EFL1: variants seen among roughly 807,000 people sequenced by gnomAD.
The protein encoded by EFL1 is elongation factor like GTPase 1.
Under a neutral mutation model 126.7 loss-of-function variants are expected in EFL1, and 76 were observed. That is an observed-to-expected ratio of 0.60 (90% CI 0.50 to 0.73). EFL1 has a LOEUF of 0.73. Ranked by LOEUF, EFL1 falls within the 30% of genes least tolerant of loss-of-function variation. The probability of loss-of-function intolerance (pLI) is 0.00; values close to 1 mark genes in which losing one functional copy is unlikely to be tolerated. For synonymous variants in EFL1, 410 were observed against 448.4 expected (o/e 0.91, Z 1.08); for missense variants, 1,128 against 1,343.2 (o/e 0.84, Z 2.50).
chr15:82,155,710 T>A (rs1163327769), intron 17 of EFL1, among the ~76,000 whole-genome samples: 1 of 152,200 alleles, frequency 6.6e-6, no homozygotes, highest in African/African-American at 2.4e-5. Flanking sequence ...TGTGGGTGAA[T>A]TCTTGTTGTT....
intron 7 of EFL1, among the ~76,000 whole-genome samples, chr15:82,232,530 T>C (rs1420629403): frequency 6.6e-6 from 1 of 152,194 alleles, no homozygotes; most frequent in Non-Finnish European, 1.5e-5. Context: ...TTTTGCCTCA[T>C]GCACTTTGTT....
chr15:82,214,432 C>T (rs1208189452), intron 15 of EFL1, among the ~76,000 whole-genome samples: 1 of 152,112 alleles, frequency 6.6e-6, no homozygotes, highest in Non-Finnish European at 1.5e-5. Context: ...TTTATGTGAA[C>T]AGGAATTTCC....
At chr15:82,198,285 C>T (rs2074429285) in intron 15 of EFL1, among the ~76,000 whole-genome samples, 1 of 152,092 alleles carries the variant, frequency 6.6e-6, no homozygotes, top group Non-Finnish European at 1.5e-5. Flanking sequence ...AGAGAGGGGA[C>T]TTCGGCCTGC....
At position 82,167,526 on chromosome 15, in the gene EFL1, T is replaced by C. The variant is rs200725427; in HGVS notation, c.1751-3542A>G. Among the ~76,000 whole-genome samples the C allele has an allele frequency of 1.2e-4, 18 of 152,314 alleles. No individual in the cohort carries two copies. In the East Asian group the frequency reaches 3.3e-3, roughly 28 times the overall value. On this transcript the variant is annotated intron_variant, in intron 15 of 19. Coordinates refer to ENST00000268206, the MANE Select transcript of EFL1 (RefSeq NM_024580.6). ...ATATTAAGGAGAGTATCTTTTATGA[T>C]ATGAGACTGAAAAAAATTGTGTGAG...
intron 17 of EFL1, among the ~76,000 whole-genome samples, chr15:82,155,919 T>C (rs1430498624): frequency 6.6e-6 from 1 of 152,230 alleles, no homozygotes; most frequent in Non-Finnish European, 1.5e-5. Flanking sequence ...TTCTATTGGA[T>C]TGCTGCTCTT....
chr15:82,185,689 A>G (rs1347777650), intron 15 of EFL1, among the ~76,000 whole-genome samples: 1 of 152,188 alleles, frequency 6.6e-6, no homozygotes, highest in Admixed American at 6.5e-5. Flanking sequence ...CAAGTGGCCA[A>G]CTTACATATA....
Position 82,184,907 on chromosome 15 carries a change from CAAG to C in EFL1, c.1751-20926_1751-20924del, listed in dbSNP as rs1015859192. ...GTTTCATTATTTGAGGATTTAGAGACAAGAACAACTTAGAGTAGTGTGAATAGT... is the reference window on the plus strand; with the variant it reads ...GTTTCATTATTTGAGGATTTAGAGACAACAACTTAGAGTAGTGTGAATAGT... On this transcript the variant is annotated intron_variant, in intron 15 of 19. Coordinates refer to ENST00000268206, the MANE Select transcript of EFL1 (RefSeq NM_024580.6). Among the ~76,000 whole-genome samples the C allele has an allele frequency of 5.3e-5, 8 of 152,206 alleles. No individual in the cohort carries two copies. The East Asian group carries it at 7.7e-4, about 15-fold the overall frequency.
chr15:82,191,348 G>T (rs1358127685), intron 15 of EFL1, among the ~76,000 whole-genome samples: 1 of 152,060 alleles, frequency 6.6e-6, no homozygotes, highest in Non-Finnish European at 1.5e-5. Flanking sequence ...TAAAACACCT[G>T]GAAATGATTT....
intron 19 of EFL1, among the ~76,000 whole-genome samples, 189 bp from the exon 20 acceptor site, chr15:82,130,750 G>A (rs2073632056): frequency 1.3e-5 from 2 of 152,186 alleles, no homozygotes; most frequent in South Asian, 2.1e-4. Context: ...TATAGTCCTA[G>A]CACTTTGGGA....
rs1179332932 is a variant in EFL1 at position 82,151,793 on chromosome 15, G to A, written c.2661C>T (p.Leu887=). 6.2e-7 allele frequency: 1 copy of A among 1,614,130 alleles called. No individual in the cohort carries two copies. The highest frequency in any genetic ancestry group is 2.2e-5 in the East Asian group (1 of 44,872). The change falls in exon 18 of 20, where the codon CTC becomes CTT. Residue 887 remains leucine, a synonymous_variant. Coordinates refer to ENST00000268206, the MANE Select transcript of EFL1 (RefSeq NM_024580.6). The part of the protein sequence containing the change: ...TLSGPMCEEP[L]MGVCFVLEKW... ...TTTCCAGAACAAAACAGACACCCAT[G>A]AGAGGCTCCTCACACATGGGGCCAG...
intron 7 of EFL1, among the ~76,000 whole-genome samples, chr15:82,234,990 A>G (rs1231082821): frequency 1.3e-5 from 2 of 152,170 alleles, no homozygotes; most frequent in African/African-American, 2.4e-5. Context: ...CTGAAATCCA[A>G]TGTCACTGTT....
chr15:82,142,068 T>C (rs1157359056), intron 18 of EFL1, among the ~76,000 whole-genome samples: 1 of 152,238 alleles, frequency 6.6e-6, no homozygotes, highest in African/African-American at 2.4e-5. Flanking sequence ...ACCCTAAATG[T>C]GCCATTGTCA....
intron 12 of EFL1, among the ~76,000 whole-genome samples, chr15:82,223,925 G>T (rs752478369): frequency 6.6e-6 from 1 of 151,960 alleles, no homozygotes; most frequent in African/African-American, 2.4e-5. Context: ...TTATCCCCAG[G>T]ACAAAAATTA....
intron 14 of EFL1, among the ~76,000 whole-genome samples, chr15:82,217,173 G>A (rs1418605608): frequency 6.6e-6 from 1 of 151,966 alleles, no homozygotes; most frequent in Non-Finnish European, 1.5e-5. Flanking sequence ...AAATTTTGGT[G>A]AGCATGTGGA....
chr15:82,195,299 CTAAG>C (rs1642184923), intron 15 of EFL1, among the ~76,000 whole-genome samples: 1 of 152,128 alleles, frequency 6.6e-6, no homozygotes, highest in South Asian at 2.1e-4. Flanking sequence ...TTAGAAAGAC[CTAAG>C]TAAGACTAAT....
At chr15:82,148,785 G>A (rs2073876179) in intron 18 of EFL1, among the ~76,000 whole-genome samples, 1 of 152,126 alleles carries the variant, frequency 6.6e-6, no homozygotes, top group African/African-American at 2.4e-5. Context: ...TAGGAAAAAG[G>A]TAAATAATGA....
chr15:82,218,981 G>A (rs2074680181), intron 14 of EFL1, among the ~76,000 whole-genome samples: 1 of 152,096 alleles, frequency 6.6e-6, no homozygotes, highest in African/African-American at 2.4e-5. Flanking sequence ...ATGCTCCACG[G>A]TGCCAGCTGA....
chr15:82,221,065 T>C (rs530741795), intron 12 of EFL1, among the ~76,000 whole-genome samples: 19 of 152,234 alleles, frequency 1.2e-4, no homozygotes, highest in South Asian at 4.1e-4. Flanking sequence ...CTAAGGCTGA[T>C]AGATTAACAG....
intron 11 of EFL1, among the ~76,000 whole-genome samples, chr15:82,226,930 C>T (rs1275610730): frequency 6.6e-6 from 1 of 152,052 alleles, no homozygotes; most frequent in African/African-American, 2.4e-5. Context: ...GCAATGGAAG[C>T]CTAAAAGTCA....
Sources: gnomAD v4.1 joint callset for allele counts (sites outside exome capture counted in the v4.1 genomes callset) on GRCh38, gnomAD v4.1.1 for gene constraint, MANE v1.5 for transcripts, NCBI Gene and HGNC (gene_info 2026-07-23, HGNC 2026-07-21) for gene names.